Variants in MACROD2 observed in about 807,000 individuals in gnomAD.
MACROD2 encodes the protein mono-ADP ribosylhydrolase 2.
Under a neutral mutation model 70.4 loss-of-function variants are expected in MACROD2, and 36 were observed. The ratio of observed to expected loss-of-function variants is 0.51; its 90% CI spans 0.39 to 0.68. The LOEUF is 0.68. Among genes scored for constraint, MACROD2 ranks in the 30% least tolerant of loss-of-function variants. The pLI, the probability that MACROD2 is intolerant of heterozygous loss-of-function variation, is 0.00. For synonymous variants in MACROD2, 172 were observed against 178.8 expected (o/e 0.96, Z 0.30); for missense variants, 496 against 538.4 (o/e 0.92, Z 0.78).
At chr20:15,786,642 G>A (rs2051932607) in intron 8 of MACROD2, among the ~76,000 whole-genome samples, 1 of 152,126 alleles carries the variant, frequency 6.6e-6, no homozygotes, top group Non-Finnish European at 1.5e-5. Flanking sequence ...AGGGACGAGA[G>A]TAGACTTGCC....
At chr20:15,415,162 T>G (rs1361726938) in intron 6 of MACROD2, among the ~76,000 whole-genome samples, 1 of 152,196 alleles carries the variant, frequency 6.6e-6, no homozygotes, top group African/African-American at 2.4e-5. Context: ...AAGTTTAAAG[T>G]GATCTGGAGT....
chr20:15,148,074 A>T (rs1013232763), intron 5 of MACROD2, among the ~76,000 whole-genome samples: 1 of 151,896 alleles, frequency 6.6e-6, no homozygotes, highest in Admixed American at 6.6e-5. Context: ...AATAAGAAAA[A>T]TAAAATGAAA....
intron 5 of MACROD2, among the ~76,000 whole-genome samples, chr20:14,758,770 A>AT (rs2071976365): frequency 6.6e-6 from 1 of 152,136 alleles, no homozygotes. Flanking sequence ...TCTCTTTAGG[A>AT]TTTCAGTATC....
intron 4 of MACROD2, among the ~76,000 whole-genome samples, chr20:14,579,543 G>A (rs888230392): frequency 6.6e-6 from 1 of 152,006 alleles, no homozygotes; most frequent in East Asian, 1.9e-4. Flanking sequence ...TGCTTTTGAG[G>A]GAAAAACCGT....
intron 6 of MACROD2, among the ~76,000 whole-genome samples, chr20:15,398,808 C>G (rs1231819295): frequency 6.6e-6 from 1 of 151,828 alleles, no homozygotes; most frequent in Non-Finnish European, 1.5e-5. Flanking sequence ...TTTGTTTGTT[C>G]TGTTTTATTT....
chr20:15,663,148 T>A (rs1214751700), intron 8 of MACROD2, among the ~76,000 whole-genome samples: 1 of 151,996 alleles, frequency 6.6e-6, no homozygotes, highest in Non-Finnish European at 1.5e-5. Flanking sequence ...GATCAGTAAA[T>A]GGTTGCTGGT....
intron 5 of MACROD2, among the ~76,000 whole-genome samples, chr20:15,036,368 G>A (rs2075313255): frequency 6.6e-6 from 1 of 152,098 alleles, no homozygotes; most frequent in Non-Finnish European, 1.5e-5. Context: ...TTCTCAAAGT[G>A]TAGTTCCCAG....
At chr20:15,409,895 G>A (rs1392656593) in intron 6 of MACROD2, among the ~76,000 whole-genome samples, 1 of 152,170 alleles carries the variant, frequency 6.6e-6, no homozygotes, top group Admixed American at 6.5e-5. Context: ...TCAACAGCGT[G>A]TGTTAAGCTA....
intron 4 of MACROD2, among the ~76,000 whole-genome samples, chr20:14,548,031 C>T (rs1978383519): frequency 6.6e-6 from 1 of 152,106 alleles, no homozygotes. Flanking sequence ...AAAAGGCCAA[C>T]TCAGAATTAA....
chr20:14,162,196 T>C (rs2055200594), intron 3 of MACROD2, among the ~76,000 whole-genome samples: 1 of 152,210 alleles, frequency 6.6e-6, no homozygotes, highest in Non-Finnish European at 1.5e-5. Context: ...CCTCTTGTTA[T>C]TGATTTATGG....
At chr20:14,264,797 C>CAACAAAATGAGAATTTGAG (rs1402697433) in intron 3 of MACROD2, among the ~76,000 whole-genome samples, 4 of 152,042 alleles carry the variant, frequency 2.6e-5, no homozygotes, top group African/African-American at 9.7e-5. Flanking sequence ...CAGGTAATTA[C>CAACAAAATGAGAATTTGAG]AACAAAATGA....
chr20:15,534,261 T>C (rs1381581373), intron 8 of MACROD2, among the ~76,000 whole-genome samples: 10 of 152,234 alleles, frequency 6.6e-5, no homozygotes, highest in Non-Finnish European at 1.5e-5. Context: ...ACATAGTAAT[T>C]CAAATTAAAT....
At chr20:14,805,352 A>AT (rs373269792) in intron 5 of MACROD2, among the ~76,000 whole-genome samples, 62 of 152,146 alleles carry the variant, frequency 4.1e-4, no homozygotes, top group African/African-American at 1.1e-3. Flanking sequence ...TCTGGCAATG[A>AT]TTTGGCTGTT....
At chr20:15,586,458 T>C (rs1212736142) in intron 8 of MACROD2, among the ~76,000 whole-genome samples, 2 of 152,254 alleles carry the variant, frequency 1.3e-5, no homozygotes, top group Non-Finnish European at 2.9e-5. Context: ...CTATTGGTTT[T>C]GATTAGGTAA....
At chr20:14,172,267 AGTTGG>A (rs971977518) in intron 3 of MACROD2, among the ~76,000 whole-genome samples, 104 of 145,802 alleles carry the variant, frequency 7.1e-4, no homozygotes, top group African/African-American at 2.4e-3. Flanking sequence ...GCAGATAGTT[AGTTGG>A]TGAGTTCTTA....
At chr20:15,175,901 G>T (rs1006803050) in intron 5 of MACROD2, among the ~76,000 whole-genome samples, 1 of 152,214 alleles carries the variant, frequency 6.6e-6, no homozygotes, top group Admixed American at 6.5e-5. Flanking sequence ...GGGTGCAACA[G>T]CAGCTGCCCG....
chr20:14,949,531 C>T (rs748781522), intron 5 of MACROD2, among the ~76,000 whole-genome samples: 1 of 152,156 alleles, frequency 6.6e-6, no homozygotes, highest in South Asian at 2.1e-4. Flanking sequence ...TTTCAGGTCA[C>T]TACTTGTTCC....
Position 15,317,523 on chromosome 20 carries a change from A to ATCTATCTATCTG in MACROD2, c.540+87465_540+87466insATCTATCTGTCT, listed in dbSNP as rs142419875. Among the ~76,000 whole-genome samples, 853 of 149,364 alleles carry ATCTATCTATCTG rather than the reference A, an allele frequency of 5.7e-3. 9 individuals carry two copies. The highest frequency in any genetic ancestry group is 0.01 in the South Asian group (45 of 4,448). ...TATCTATCTATCTATCTATCTATCT[A>ATCTATCTATCTG]TCTGTCTATCTATCTCTATCAAGAT... On this transcript the variant is annotated intron_variant, in intron 6 of 17. Coordinates refer to ENST00000684519, the MANE Select transcript of MACROD2 (RefSeq NM_001351661.2).
At chr20:14,960,894 G>A (rs1186833985) in intron 5 of MACROD2, among the ~76,000 whole-genome samples, 1 of 152,132 alleles carries the variant, frequency 6.6e-6, no homozygotes, top group Non-Finnish European at 1.5e-5. Context: ...GGTGAACAGC[G>A]ATTAAAATAT....
Sources: gnomAD v4.1 joint callset for allele counts (sites outside exome capture counted in the v4.1 genomes callset) on GRCh38, gnomAD v4.1.1 for gene constraint, MANE v1.5 for transcripts, NCBI Gene and HGNC (gene_info 2026-07-23, HGNC 2026-07-21) for gene names.